ARHGAP39: variants seen among roughly 807,000 people sequenced by gnomAD.
ARHGAP39 encodes the protein rho GTPase-activating protein 39.
In ARHGAP39, 44 loss-of-function variants were observed where a neutral mutation model predicts 106.9. The ratio of observed to expected loss-of-function variants is 0.41; its 90% CI spans 0.32 to 0.53. The LOEUF (loss-of-function observed/expected upper bound fraction) is 0.53, where lower values mean the gene tolerates loss of function less well. Ranked by LOEUF, ARHGAP39 falls within the 20% of genes least tolerant of loss-of-function variation. The pLI is 0.21. For synonymous variants in ARHGAP39, 768 were observed against 693.2 expected, an observed-to-expected ratio of 1.11 and a Z score of -1.69; for missense variants, 1,496 against 1,577.3, an observed-to-expected ratio of 0.95 and a Z score of 0.87.
intron 6 of ARHGAP39, among the ~76,000 whole-genome samples, chr8:144,544,198 C>T (rs547413642): frequency 6.6e-6 from 1 of 152,332 alleles, no homozygotes; most frequent in Non-Finnish European, 1.5e-5. Context: ...TGCATGGCTT[C>T]CAAAATCTCC....
At chr8:144,619,344 G>A (rs530116753) in intron 1 of ARHGAP39, among the ~76,000 whole-genome samples, 3 of 152,392 alleles carry the variant, frequency 2.0e-5, no homozygotes, top group African/African-American at 7.2e-5. Flanking sequence ...CTCCAGGGCC[G>A]GCACGCAGCA....
intron 2 of ARHGAP39, 97 bp downstream of exon 2, chr8:144,605,438 G>A (rs1328918505): frequency 1.5e-6 from 2 of 1,307,854 alleles, no homozygotes; most frequent in Admixed American, 1.8e-5. Flanking sequence ...CATTCTCCAC[G>A]GAGAATCCTG....
chr8:144,616,163 T>C (rs1254543896), intron 1 of ARHGAP39, among the ~76,000 whole-genome samples: 2 of 152,244 alleles, frequency 1.3e-5, no homozygotes, highest in African/African-American at 4.8e-5. Flanking sequence ...GCATTACACC[T>C]GGCTCCGTCT....
At chr8:144,602,256 A>C (rs1586602482) in intron 2 of ARHGAP39, among the ~76,000 whole-genome samples, 6 of 84,080 alleles carry the variant, frequency 7.1e-5, no homozygotes, top group Admixed American at 2.9e-4. Context: ...TGTGTGTGTG[A>C]GCTCATGTAC....
intron 1 of ARHGAP39, among the ~76,000 whole-genome samples, chr8:144,676,433 G>A (rs540014425): frequency 8.0e-6 from 1 of 125,780 alleles, no homozygotes; most frequent in Admixed American, 7.8e-5. Flanking sequence ...GCTGACTGGT[G>A]CGTTTACAAA....
upstream of ARHGAP39, among the ~76,000 whole-genome samples, chr8:144,689,680 T>G (rs990440014): frequency 6.6e-6 from 1 of 151,640 alleles, no homozygotes; most frequent in Non-Finnish European, 1.5e-5. Flanking sequence ...CTTCAAATGA[T>G]CTGCCCACCT....
chr8:144,636,602 C>T (rs1243408489), intron 1 of ARHGAP39, among the ~76,000 whole-genome samples: 1 of 152,218 alleles, frequency 6.6e-6, no homozygotes, highest in African/African-American at 2.4e-5. Flanking sequence ...CATTACCAAA[C>T]CCCATTTTCA....
In ARHGAP39 at chr8:144,671,741, C is replaced by T. The variant is rs181179787; in HGVS notation, c.-82+13945G>A. Among the ~76,000 whole-genome samples the T allele has an allele frequency of 3.3e-5, 5 of 152,382 alleles. No individual in the cohort carries two copies. Among genetic ancestry groups the T allele is most frequent in the African/African-American group, 1.2e-4 (5 of 41,592 alleles). On this transcript the variant is annotated intron_variant, in intron 1 of 11. Coordinates refer to ENST00000377307, the MANE Select transcript of ARHGAP39 (RefSeq NM_025251.3). The surrounding 1 kb of genome is among the most constrained non-coding windows in gnomAD (Gnocchi z 4.5). ...CTAGGGTTCTCCCTACGACCCCAGGCACACGGCCACCTCTGCTGTCCACAG... is the reference window on the plus strand; with the variant it reads ...CTAGGGTTCTCCCTACGACCCCAGGTACACGGCCACCTCTGCTGTCCACAG...
At position 144,647,766 on chromosome 8, in the gene ARHGAP39, T is replaced by C. The variant is rs1821482205; in HGVS notation, c.-82+37920A>G. On this transcript the variant is annotated intron_variant, in intron 1 of 11. Transcript: ENST00000377307. This position sits in a 1 kb window ranked among gnomAD's most constrained non-coding sequence, Gnocchi z 4.8. ...GCCAGGGGAGGGCAGCTGGAAGCCA[T>C]GCATGCGTCCACGGGGACCCCAAGA... Among the ~76,000 whole-genome samples, 1 of 152,138 alleles carries C rather than the reference T, an allele frequency of 6.6e-6. No homozygotes were observed. Among genetic ancestry groups the C allele is most frequent in the Non-Finnish European group, 1.5e-5 (1 of 68,028 alleles).
intron 1 of ARHGAP39, among the ~76,000 whole-genome samples, chr8:144,607,176 AGAG>A (rs905474111): frequency 6.7e-6 from 1 of 148,678 alleles, no homozygotes; most frequent in Non-Finnish European, 1.5e-5. Flanking sequence ...CACGTGAGGA[AGAG>A]GAGGGAGGAT....
Position 144,534,315 on chromosome 8 carries a change from C to T in ARHGAP39, c.2615-113G>A, listed in dbSNP as rs1816865298. On this transcript the variant is annotated intron_variant, in intron 7 of 11. Transcript: ENST00000377307. ...GCCCTGGGGGGCTGGGCTGGCCTTG[C>T]CCCGGTCACCCCCTGCCCAGCACAG... The T allele has an allele frequency of 6.3e-6, 7 of 1,106,260 alleles. No individual in the cohort carries two copies. In the Admixed American group the frequency reaches 7.5e-5, roughly 12 times the overall value. 68.5% of individuals were successfully genotyped at this position (1,106,260 alleles called of 1,614,324 possible).
chr8:144,568,030 A>C (rs1305244906), intron 3 of ARHGAP39, among the ~76,000 whole-genome samples: 3 of 152,038 alleles, frequency 2.0e-5, no homozygotes, highest in Non-Finnish European at 4.4e-5. Context: ...CATGGGGAGA[A>C]AACCCACTGA....
At chr8:144,689,197 G>A (rs991491077), upstream of ARHGAP39, among the ~76,000 whole-genome samples, 9 of 151,806 alleles carry the variant, frequency 5.9e-5, no homozygotes, top group Non-Finnish European at 7.4e-5. Context: ...CCCAGGGCTC[G>A]CCTGGCGCAT....
intron 1 of ARHGAP39, among the ~76,000 whole-genome samples, chr8:144,666,349 T>C (rs766369881): frequency 1.3e-5 from 2 of 152,050 alleles, no homozygotes; most frequent in Non-Finnish European, 2.9e-5. Context: ...AGCTAAGACT[T>C]TGGGGGGCTG....
At chr8:144,611,506 C>T (rs893198253) in intron 1 of ARHGAP39, among the ~76,000 whole-genome samples, 1 of 152,194 alleles carries the variant, frequency 6.6e-6, no homozygotes, top group Non-Finnish European at 1.5e-5. Context: ...GTTTTTGCTT[C>T]ATGTATTTTA....
chr8:144,684,139 C>T lies in ARHGAP39; in HGVS notation c.-82+1547G>A, dbSNP rs1822509860. Among the ~76,000 whole-genome samples, 2 of 152,348 alleles carry T rather than the reference C, an allele frequency of 1.3e-5. No individual in the cohort carries two copies. Among genetic ancestry groups the T allele is most frequent in the African/African-American group, 2.4e-5 (1 of 41,574 alleles). On this transcript the variant is annotated intron_variant, in intron 1 of 11. Transcript: ENST00000377307. This position sits in a 1 kb window ranked among gnomAD's most constrained non-coding sequence, Gnocchi z 4.4. Reference sequence around the variant, plus strand: ...CCGCCCTCCTGTCCACTCTGCTCCCCTGCCTCTCAGGAAGACAGCTGGCTA... The same window carrying T: ...CCGCCCTCCTGTCCACTCTGCTCCCTTGCCTCTCAGGAAGACAGCTGGCTA...
chr8:144,602,404 CGTGT>C (rs112487406), intron 2 of ARHGAP39, among the ~76,000 whole-genome samples: 5 of 102,670 alleles, frequency 4.9e-5, no homozygotes, highest in Non-Finnish European at 9.6e-5. Flanking sequence ...TGCGTGGAGG[CGTGT>C]GTGTGCTTGT....
intron 1 of ARHGAP39, among the ~76,000 whole-genome samples, chr8:144,652,778 G>C (rs77867256): frequency 6.6e-6 from 1 of 152,068 alleles, no homozygotes; most frequent in African/African-American, 2.4e-5. Flanking sequence ...GTGGGGAGGA[G>C]GGAGGGAGAG....
At chr8:144,655,944 G>A (rs987511430) in intron 1 of ARHGAP39, among the ~76,000 whole-genome samples, 1 of 152,028 alleles carries the variant, frequency 6.6e-6, no homozygotes, top group Non-Finnish European at 1.5e-5. Context: ...AAGAAGAAAG[G>A]GAACAGCATA....
Sources: allele counts gnomAD v4.1 joint callset (sites outside exome capture counted in the v4.1 genomes callset), GRCh38; gene constraint gnomAD v4.1.1; non-coding constraint Gnocchi (gnomAD v3.1); transcripts MANE v1.5; gene names NCBI Gene and HGNC (gene_info 2026-07-23, HGNC 2026-07-21).